RNF213: variants seen among roughly 807,000 people sequenced by gnomAD.
The protein encoded by RNF213 is E3 ubiquitin-protein ligase RNF213.
RNF213 carries 341 observed loss-of-function variants against 514.4 expected under a neutral mutation model. The observed-to-expected ratio is 0.66, with a 90% confidence interval of 0.61 to 0.73. The LOEUF is 0.73. Ranked by LOEUF, RNF213 falls within the 30% of genes least tolerant of loss-of-function variation. RNF213 has a pLI of 0.00. For synonymous variants in RNF213, 2,655 were observed against 2,658.2 expected (o/e 1.00, Z 0.04); for missense variants, 5,767 against 6,615.6 (o/e 0.87, Z 4.45).
At chr17:80,269,586 T>A (rs1269819462) in intron 2 of RNF213, among the ~76,000 whole-genome samples, 6 of 151,510 alleles carry the variant, frequency 4.0e-5, no homozygotes, top group Admixed American at 4.0e-4. Flanking sequence ...ATACTATCTA[T>A]CCGTCCATCC....
Position 80,288,785 on chromosome 17 carries a change from G to C in RNF213, c.933+30G>C. ...GTCTCCTTCCTGCCTGCCGGCTCCA[G>C]GAGGCCCTCTCCTGCCCACGGCTGC... is the stretch of plus-strand genomic sequence containing the variant. On this transcript the variant is annotated intron_variant, in intron 5 of 67. Coordinates refer to ENST00000582970, the MANE Select transcript of RNF213 (RefSeq NM_001256071.3). This position sits in a 1 kb window ranked among gnomAD's most constrained non-coding sequence, Gnocchi z 4.9. 1 of 1,613,828 alleles carries C rather than the reference G, an allele frequency of 6.2e-7. No homozygotes were observed. The highest frequency in any genetic ancestry group is 8.5e-7 in the Non-Finnish European group (1 of 1,180,036).
chr17:80,290,853 A>C, intron 7 of RNF213, 125 bp downstream of exon 7: 1 of 1,120,028 alleles, frequency 8.9e-7, no homozygotes, highest in South Asian at 1.3e-5. Flanking sequence ...TGTGTCACCC[A>C]GGCTGGAGTG....
chr17:80,303,381 C>G (rs1417893280), intron 11 of RNF213, among the ~76,000 whole-genome samples: 2 of 152,054 alleles, frequency 1.3e-5, no homozygotes, highest in Non-Finnish European at 2.9e-5. Flanking sequence ...AAGAGACGCC[C>G]CCTCATAAAG....
In RNF213 at chr17:80,352,010, A is replaced by AT. The variant is rs2078539816; in HGVS notation, c.10303+208dup. On this transcript the variant is annotated intron_variant, in intron 32 of 67. Coordinates refer to ENST00000582970, the MANE Select transcript of RNF213 (RefSeq NM_001256071.3). ...GCTGGCATTACAGGCGTGCGCCACCATGCCCAGCTAATTTTTGTATGTTTA... is the reference window on the plus strand; with the variant it reads ...GCTGGCATTACAGGCGTGCGCCACCATTGCCCAGCTAATTTTTGTATGTTTA... The AT allele has an allele frequency of 7.0e-6, 3 of 426,400 alleles. No homozygotes were observed. The East Asian group carries it at 1.5e-4, about 21-fold the overall frequency. 26.4% of individuals were successfully genotyped at this position (426,400 alleles called of 1,614,324 possible).
intron 14 of RNF213, 30 bp downstream of exon 14, chr17:80,309,201 AC>A (rs757553708): frequency 5.0e-6 from 8 of 1,613,800 alleles, no homozygotes; most frequent in Non-Finnish European, 6.8e-6. Context: ...AAGGTATCAC[AC>A]CCGGGATAGG....
intron 2 of RNF213, among the ~76,000 whole-genome samples, chr17:80,269,758 C>A (rs2043756754): frequency 6.6e-6 from 1 of 151,934 alleles, no homozygotes; most frequent in African/African-American, 2.4e-5. Flanking sequence ...TCTTATCTAT[C>A]CATCCGTCCA....
intron 11 of RNF213, among the ~76,000 whole-genome samples, chr17:80,302,760 T>G (rs924438705): frequency 6.6e-6 from 1 of 152,112 alleles, no homozygotes; most frequent in Non-Finnish European, 1.5e-5. Context: ...CTTGGGAGGC[T>G]TACATGAGAG....
intron 42 of RNF213, among the ~76,000 whole-genome samples, chr17:80,366,441 C>T (rs1002901235): frequency 3.9e-5 from 6 of 152,118 alleles, no homozygotes; most frequent in African/African-American, 1.2e-4. Flanking sequence ...TAATGGCCAC[C>T]GTGATAATTC....
rs372856428 is a variant in RNF213, at chr17:80,380,880, C to T, written c.13690C>T (p.Arg4564Trp). The T allele has an allele frequency of 1.4e-5, 23 of 1,614,056 alleles. No individual in the cohort carries two copies. Among genetic ancestry groups the T allele is most frequent in the South Asian group, 4.4e-5 (4 of 91,092 alleles). Residue 4564 changes from arginine to tryptophan, a missense_variant, in exon 56 of 68, where the codon CGG becomes TGG. Physicochemically the swap from Arg to Trp is moderately radical, Grantham distance 101. Transcript: ENST00000582970. The stretch of plus-strand genomic sequence containing the variant: ...CGGCCACGTGCTGGGCAACCCGCAG[C>T]GGAGAGACGTGGTGACATGTGACCG... Reference protein sequence around the residue: ...QTGHVLGNPQRRDVVTCDRGL... With the variant: ...QTGHVLGNPQWRDVVTCDRGL...
chr17:80,294,276 T>C (rs1434577735), intron 8 of RNF213, among the ~76,000 whole-genome samples: 1 of 152,166 alleles, frequency 6.6e-6, no homozygotes, highest in Admixed American at 6.5e-5. Context: ...CCAGGGGCTG[T>C]GTCCCGTTCC....
In RNF213 at chr17:80,288,863, T is replaced by C; in HGVS notation, c.933+108T>C. On this transcript the variant is annotated intron_variant, in intron 5 of 67. Transcript: ENST00000582970. This position sits in a 1 kb window ranked among gnomAD's most constrained non-coding sequence, Gnocchi z 4.9. ...TATTTAAGTGCTGGGGATATAGCCATGATTCAGACAAAGCTCTGGCCTTCG... is the reference window on the plus strand; with the variant it reads ...TATTTAAGTGCTGGGGATATAGCCACGATTCAGACAAAGCTCTGGCCTTCG... 2 of 1,577,508 alleles carry C rather than the reference T, an allele frequency of 1.3e-6. No individual in the cohort carries two copies. The highest frequency in any genetic ancestry group is 1.7e-6 in the Non-Finnish European group (2 of 1,154,754).
Position 80,383,060 on chromosome 17 carries a change from C to T in RNF213, c.14060C>T (p.Pro4687Leu), listed in dbSNP as rs775879888. 6.2e-7 allele frequency: 1 copy of T among 1,612,224 alleles called. No homozygotes were observed. ...WEKEIAAVIS[P>L]ELEHLDKTLP... is the part of the protein sequence containing the mutation. The stretch of plus-strand genomic sequence containing the variant: ...AAGGAAATCGCAGCTGTGATTTCTC[C>T]TGAACTGGAGGTAAGCAGTAAGTGC... The change falls in exon 58 of 68, where the codon CCT becomes CTT. Residue 4687 changes from proline to leucine, a missense_variant. Pro to Leu is a moderately conservative substitution (Grantham distance 98). Coordinates refer to ENST00000582970, the MANE Select transcript of RNF213 (RefSeq NM_001256071.3).
At position 80,374,494 on chromosome 17, in the gene RNF213, T is replaced by TAC; in HGVS notation, c.12980_12981dup (p.Leu4328ThrfsTer31). 6.2e-7 allele frequency: 1 copy of TAC among 1,614,160 alleles called. No individual in the cohort carries two copies. The highest frequency in any genetic ancestry group is 8.5e-7 in the Non-Finnish European group (1 of 1,180,024). On this transcript the variant is annotated frameshift_variant, in exon 50 of 68. Coordinates refer to ENST00000582970, the MANE Select transcript of RNF213 (RefSeq NM_001256071.3). LOFTEE classifies it high-confidence loss of function. ...GGACCACCCAGGCCAGATGGATAGG[T>TAC]ACCTGGTGTACGGCGATGAATACAA...
chr17:80,353,299 C>G lies in RNF213; in HGVS notation c.10424-213C>G. 1 of 777,514 alleles carries G rather than the reference C, an allele frequency of 1.3e-6. No individual in the cohort carries two copies. The highest frequency in any genetic ancestry group is 2.1e-6 in the Non-Finnish European group (1 of 472,486). 48.2% of individuals were successfully genotyped at this position (777,514 alleles called of 1,614,324 possible). On this transcript the variant is annotated intron_variant, in intron 33 of 67. Coordinates refer to ENST00000582970, the MANE Select transcript of RNF213 (RefSeq NM_001256071.3). The surrounding 1 kb of genome is among the most constrained non-coding windows in gnomAD (Gnocchi z 5.0). ...AGCAGGCCAGCCATGGAAGTGAGCA[C>G]CTAGAACACGCCAGAGCCCAGGCTG...
At chr17:80,344,618 A>G (rs2078251847) in intron 28 of RNF213, 60 bp from the exon 29 acceptor site, 3 of 1,595,726 alleles carry the variant, frequency 1.9e-6, no homozygotes, top group African/African-American at 2.7e-5. Flanking sequence ...GGGTTAAGAC[A>G]CAAAAGCATT....
chr17:80,358,491 G>C lies in RNF213; in HGVS notation c.11054+12G>C, dbSNP rs770562324. On this transcript the variant is annotated intron_variant, in intron 37 of 67. Transcript: ENST00000582970. The stretch of plus-strand genomic sequence containing the variant: ...ATGAATAATGAAAGGTGAGTGGAAG[G>C]CTTTCTTTCCCTGGGGAGAGAAACT... 3.1e-6 allele frequency: 5 copies of C among 1,610,326 alleles called. No homozygotes were observed. Among genetic ancestry groups the C allele is most frequent in the Admixed American group, 3.3e-5 (2 of 60,026 alleles).
intron 20 of RNF213, 63 bp from the exon 21 acceptor site, chr17:80,331,943 G>C: frequency 6.7e-7 from 1 of 1,491,280 alleles, no homozygotes; most frequent in Non-Finnish European, 8.9e-7. Context: ...TCTTAGGAAA[G>C]TGAAATAAAA....
chr17:80,309,111 C>T lies in RNF213; in HGVS notation c.2595C>T (p.Tyr865=), dbSNP rs770989046. The T allele has an allele frequency of 3.2e-5, 51 of 1,614,062 alleles. No homozygotes were observed. The highest frequency in any genetic ancestry group is 4.4e-5 in the South Asian group (4 of 91,088). Residue 865 remains tyrosine (Y), a synonymous_variant, in exon 14 of 68, where the codon TAC becomes TAT. Coordinates refer to ENST00000582970, the MANE Select transcript of RNF213 (RefSeq NM_001256071.3). Reference sequence around the variant, plus strand: ...GCAGCACAAAGCTACTTAAGTTTTACGAGCTGCCAGCCTTATCTGCCGAGA... The same window carrying T: ...GCAGCACAAAGCTACTTAAGTTTTATGAGCTGCCAGCCTTATCTGCCGAGA... The part of the protein sequence containing the change: ...ICSSTKLLKF[Y]ELPALSAEIV...
rs747125033 is a variant in RNF213, at chr17:80,363,322, C to T, written c.11568+8C>T. On this transcript the variant is annotated splice_region_variant and intron_variant, in intron 40 of 67. Coordinates refer to ENST00000582970, the MANE Select transcript of RNF213 (RefSeq NM_001256071.3). ...CTGGCTGGATGTGAGATGGTATGGC[C>T]CTCCTCCGCCTGCCCTGAGCAAGCC... 3 of 1,612,196 alleles carry T rather than the reference C, an allele frequency of 1.9e-6. No individual in the cohort carries two copies. The South Asian group carries it at 3.3e-5, about 18-fold the overall frequency.
Sources: gnomAD v4.1 joint callset for allele counts (sites outside exome capture counted in the v4.1 genomes callset) on GRCh38, gnomAD v4.1.1 for gene constraint, Gnocchi (gnomAD v3.1) non-coding constraint, MANE v1.5 for transcripts, NCBI Gene and HGNC (gene_info 2026-07-23, HGNC 2026-07-21) for gene names.